The following SPAG16 variants were observed in gnomAD, a reference collection of about 807,000 sequenced individuals.
SPAG16 encodes the protein sperm-associated antigen 16 protein.
A neutral mutation model predicts 80.4 loss-of-function variants in SPAG16; 86 were observed. The observed-to-expected ratio is 1.07, with a 90% confidence interval of 0.90 to 1.28. SPAG16 has a LOEUF of 1.28. SPAG16 is among the 50% of genes most tolerant of loss of function. The pLI is 0.00. For synonymous variants in SPAG16, 294 were observed against 265.9 expected (o/e 1.11, Z -1.03); for missense variants, 870 against 765.3 (o/e 1.14, Z -1.61).
intron 15 of SPAG16, among the ~76,000 whole-genome samples, chr2:214,288,743 C>T (rs1693567942): frequency 1.3e-5 from 1 of 77,962 alleles, no homozygotes; most frequent in Non-Finnish European, 2.9e-5. Flanking sequence ...GTCTATTGTC[C>T]TTTGCCCACT....
At chr2:214,369,676 A>T (rs762479791) in intron 15 of SPAG16, among the ~76,000 whole-genome samples, 8 of 152,074 alleles carry the variant, frequency 5.3e-5, no homozygotes, top group Middle Eastern at 3.4e-3. Context: ...TTTTCTAGTT[A>T]AAAGACTCTA....
intron 15 of SPAG16, among the ~76,000 whole-genome samples, chr2:214,402,035 AAC>A (rs1336034803): frequency 6.6e-6 from 1 of 151,976 alleles, no homozygotes; most frequent in Non-Finnish European, 1.5e-5. Context: ...AGTACCTGAT[AAC>A]TGGTGGCTCA....
chr2:213,975,069 AT>A (rs1260147905), intron 12 of SPAG16, among the ~76,000 whole-genome samples: 2 of 151,502 alleles, frequency 1.3e-5, no homozygotes, highest in African/African-American at 4.8e-5. Flanking sequence ...ATAAATAAAA[AT>A]TTATAGACTT....
At chr2:213,772,936 C>G (rs186154816) in intron 10 of SPAG16, among the ~76,000 whole-genome samples, 29 of 151,276 alleles carry the variant, frequency 1.9e-4, no homozygotes, top group African/African-American at 6.1e-4. Flanking sequence ...TAAATTGGTC[C>G]CTAATAATTT....
chr2:213,369,611 C>G (rs887754171), intron 8 of SPAG16, among the ~76,000 whole-genome samples: 4 of 151,572 alleles, frequency 2.6e-5, no homozygotes, highest in Non-Finnish European at 4.4e-5. Context: ...GCTCAGATAG[C>G]TAGAAGGCAC....
intron 15 of SPAG16, among the ~76,000 whole-genome samples, chr2:214,207,724 T>C (rs968218128): frequency 6.6e-6 from 1 of 152,184 alleles, no homozygotes; most frequent in African/African-American, 2.4e-5. Context: ...GTCAGGGGAT[T>C]GGGAGAAGAA....
intron 10 of SPAG16, among the ~76,000 whole-genome samples, chr2:213,757,329 G>GT (rs549923590): frequency 0.02 from 3,005 of 147,718 alleles, 47 homozygotes; most frequent in South Asian, 0.057. Context: ...ACCCATAGCT[G>GT]TTTTTTTTTT....
chr2:213,443,815 C>CA (rs1454344395), intron 9 of SPAG16, among the ~76,000 whole-genome samples: 2 of 152,146 alleles, frequency 1.3e-5, no homozygotes, highest in Non-Finnish European at 2.9e-5. Flanking sequence ...GATGCATGCA[C>CA]AAGTGTTTCC....
chr2:214,225,118 G>A (rs888499337), intron 15 of SPAG16, among the ~76,000 whole-genome samples: 11 of 152,232 alleles, frequency 7.2e-5, no homozygotes, highest in South Asian at 4.1e-4. Flanking sequence ...AGTGCTCCCC[G>A]CTGTTCAAGG....
intron 13 of SPAG16, among the ~76,000 whole-genome samples, chr2:214,041,124 C>A (rs1332845257): frequency 6.6e-6 from 1 of 150,774 alleles, no homozygotes; most frequent in East Asian, 1.9e-4. Flanking sequence ...TTGGGTATCT[C>A]GTAATTTACT....
chr2:214,083,151 A>G (rs2051495466), intron 13 of SPAG16, among the ~76,000 whole-genome samples: 1 of 152,214 alleles, frequency 6.6e-6, no homozygotes, highest in Non-Finnish European at 1.5e-5. Flanking sequence ...AGGAGGGTTT[A>G]TTCTGAATTT....
At chr2:213,862,685 C>G in intron 11 of SPAG16, 57 bp downstream of exon 11, 1 of 1,568,056 alleles carries the variant, frequency 6.4e-7, no homozygotes, top group Non-Finnish European at 8.8e-7. Context: ...TGCTCCTTTA[C>G]TCTGTCTGCT....
chr2:214,169,051 A>G (rs1037188657), intron 15 of SPAG16, among the ~76,000 whole-genome samples: 29 of 152,134 alleles, frequency 1.9e-4, no homozygotes, highest in African/African-American at 6.3e-4. Flanking sequence ...GTTTTCTATT[A>G]ATGGTTTCCA....
intron 10 of SPAG16, among the ~76,000 whole-genome samples, chr2:213,563,690 C>A (rs2059666897): frequency 6.6e-6 from 1 of 152,192 alleles, no homozygotes. Context: ...GGTAGAGTTT[C>A]AACATGTGAA....
chr2:213,966,755 G>A (rs1303935440), intron 12 of SPAG16, among the ~76,000 whole-genome samples: 1 of 152,120 alleles, frequency 6.6e-6, no homozygotes. Context: ...CTAATTGCTT[G>A]GTGGCTGCTA....
intron 10 of SPAG16, among the ~76,000 whole-genome samples, chr2:213,855,201 T>C (rs1160571593): frequency 6.6e-6 from 1 of 152,216 alleles, no homozygotes; most frequent in Admixed American, 6.5e-5. Context: ...GACCAGTTCT[T>C]TAGAAACTTC....
At chr2:214,021,934 C>A (rs1021346745) in intron 13 of SPAG16, among the ~76,000 whole-genome samples, 1 of 152,044 alleles carries the variant, frequency 6.6e-6, no homozygotes, top group Non-Finnish European at 1.5e-5. Context: ...ATTTCATCTG[C>A]CTGACACACC....
At position 214,347,060 on chromosome 2, in the gene SPAG16, G is replaced by A. The variant is rs190144324; in HGVS notation, c.1721-63080G>A. 1.2e-3 allele frequency among the ~76,000 whole-genome samples: 190 copies of A among 152,256 alleles called. 1 individual carries two copies. The highest frequency in any genetic ancestry group is 4.0e-3 in the African/African-American group (167 of 41,560). ...AATAAAACCAAAAGTATGTGGCATC[G>A]GTTTGGAGATGACCAGCAGCCTTGA... On this transcript the variant is annotated intron_variant, in intron 15 of 15. Coordinates refer to ENST00000331683, the MANE Select transcript of SPAG16 (RefSeq NM_024532.5).
At chr2:213,677,125 C>A (rs1187046705) in intron 10 of SPAG16, among the ~76,000 whole-genome samples, 1 of 151,718 alleles carries the variant, frequency 6.6e-6, no homozygotes, top group Non-Finnish European at 1.5e-5. Context: ...GTGTATGTGT[C>A]GAGGAAAGGA....
Sources: allele counts gnomAD v4.1 joint callset (sites outside exome capture counted in the v4.1 genomes callset), GRCh38; gene constraint gnomAD v4.1.1; transcripts MANE v1.5; gene names NCBI Gene and HGNC (gene_info 2026-07-23, HGNC 2026-07-21).